The following GRM7 variants were observed in gnomAD, a reference collection of about 807,000 sequenced individuals.
GRM7 encodes the protein metabotropic glutamate receptor 7.
GRM7 carries 35 observed loss-of-function variants against 84.5 expected under a neutral mutation model. The observed-to-expected ratio is 0.41, with a 90% CI of 0.32 to 0.55. The LOEUF is 0.55. Ranked by LOEUF, GRM7 falls within the 20% of genes least tolerant of loss-of-function variation. GRM7 has a pLI of 0.19. For missense variants in GRM7, 1,003 were observed against 1,194.6 expected (o/e 0.84, Z 2.36); for synonymous variants, 487 against 455.1 (o/e 1.07, Z -0.89).
chr3:6,981,224 G>A (rs1254160850), intron 1 of GRM7, among the ~76,000 whole-genome samples: 2 of 152,160 alleles, frequency 1.3e-5, no homozygotes, highest in African/African-American at 4.8e-5. Flanking sequence ...TTATAATTTA[G>A]ATATGCTCTT....
chr3:7,592,265 A>G (rs1247827560), intron 8 of GRM7, among the ~76,000 whole-genome samples: 1 of 152,216 alleles, frequency 6.6e-6, no homozygotes, highest in Admixed American at 6.5e-5. Context: ...ATATAAAAAA[A>G]AAAGCAGATA....
intron 1 of GRM7, among the ~76,000 whole-genome samples, chr3:7,125,655 G>A (rs1693374214): frequency 6.6e-6 from 1 of 151,984 alleles, no homozygotes; most frequent in Non-Finnish European, 1.5e-5. Context: ...TACCCTGTTG[G>A]GCTACATTCC....
chr3:7,446,464 G>GTTTTTTTTTTTTTTT (rs370257829), intron 5 of GRM7, among the ~76,000 whole-genome samples: 1 of 130,576 alleles, frequency 7.7e-6, no homozygotes. Context: ...TTTTTTTTTT[G>GTTTTTTTTTTTTTTT]TTTTTTTTTT....
intron 7 of GRM7, among the ~76,000 whole-genome samples, chr3:7,497,373 T>G (rs1699743224): frequency 6.6e-6 from 1 of 152,172 alleles, no homozygotes; most frequent in Non-Finnish European, 1.5e-5. Flanking sequence ...ACTTCTCTCA[T>G]GGAGTATAAG....
At chr3:6,917,613 G>C (rs1010738836) in intron 1 of GRM7, among the ~76,000 whole-genome samples, 2 of 151,726 alleles carry the variant, frequency 1.3e-5, no homozygotes, top group Middle Eastern at 3.2e-3. Flanking sequence ...TAATTTTGTG[G>C]CTTGGGCTAA....
chr3:7,349,099 AG>A (rs1409832055), intron 4 of GRM7, among the ~76,000 whole-genome samples: 1 of 152,068 alleles, frequency 6.6e-6, no homozygotes, highest in African/African-American at 2.4e-5. Flanking sequence ...TTCCCTCCCT[AG>A]TTTTCATAAA....
chr3:6,913,686 C>G (rs1441792015), intron 1 of GRM7, among the ~76,000 whole-genome samples: 1 of 152,070 alleles, frequency 6.6e-6, no homozygotes. Context: ...CTAGTCCGGC[C>G]AGAGGTTGTT....
chr3:7,114,427 C>G (rs1041776462), intron 1 of GRM7, among the ~76,000 whole-genome samples: 1 of 152,168 alleles, frequency 6.6e-6, no homozygotes, highest in Admixed American at 6.6e-5. Flanking sequence ...TTTATACATT[C>G]ACATCTGGTG....
chr3:7,496,338 C>T, intron 7 of GRM7, among the ~76,000 whole-genome samples: 1 of 152,148 alleles, frequency 6.6e-6, no homozygotes, highest in East Asian at 1.9e-4. Flanking sequence ...CTGCATAGTG[C>T]TCTGATCAGG....
intron 2 of GRM7, among the ~76,000 whole-genome samples, chr3:7,165,952 T>G (rs1694785140): frequency 1.3e-5 from 2 of 152,210 alleles, no homozygotes; most frequent in Non-Finnish European, 2.9e-5. Flanking sequence ...TACTTCGAAA[T>G]ATGTTATTTC....
At chr3:7,604,540 A>G (rs1559433449) in intron 8 of GRM7, among the ~76,000 whole-genome samples, 1 of 152,164 alleles carries the variant, frequency 6.6e-6, no homozygotes, top group African/African-American at 2.4e-5. Flanking sequence ...TTCCATACCC[A>G]TAATGCTCAG....
chr3:7,385,513 G>T (rs544112035), intron 4 of GRM7, among the ~76,000 whole-genome samples: 2 of 151,994 alleles, frequency 1.3e-5, no homozygotes, highest in Admixed American at 6.5e-5. Flanking sequence ...TGTTATGCAG[G>T]ATGGTCTCGA....
At chr3:6,948,685 T>C (rs1056150954) in intron 1 of GRM7, among the ~76,000 whole-genome samples, 4 of 152,202 alleles carry the variant, frequency 2.6e-5, no homozygotes, top group African/African-American at 9.6e-5. Context: ...ATTGTGTGGG[T>C]GTCTAAGTCT....
At chr3:6,876,888 C>T (rs758070837) in intron 1 of GRM7, among the ~76,000 whole-genome samples, 21 of 152,108 alleles carry the variant, frequency 1.4e-4, no homozygotes, top group Non-Finnish European at 2.2e-4. Context: ...AGGCATGAGC[C>T]ACCAACCCCG....
Position 7,358,753 on chromosome 3 carries a change from ACTGCCCC to A in GRM7, c.1033+52102_1033+52108del, listed in dbSNP as rs1693521342. On this transcript the variant is annotated intron_variant, in intron 4 of 9. Transcript: ENST00000357716. ...GAATACATATTATTTTTTATAGGTG[ACTGCCCC>A]TTTTCATAATTTATTTTTTGTGACC... Among the ~76,000 whole-genome samples, 5 of 124,926 alleles carry A rather than the reference ACTGCCCC, an allele frequency of 4.0e-5. 1 individual carries two copies. Among genetic ancestry groups the A allele is most frequent in the African/African-American group, 6.9e-5 (2 of 28,844 alleles). 82.0% of individuals were successfully genotyped at this position (124,926 alleles called of 152,430 possible). A position where few individuals can be genotyped will look rare whatever the true frequency, so the allele number is the denominator to read the frequency against.
chr3:7,672,821 T>C (rs147558395), intron 8 of GRM7, among the ~76,000 whole-genome samples: 2,963 of 152,060 alleles, frequency 0.019, 91 homozygotes, highest in African/African-American at 0.065. Flanking sequence ...GGTCTCGATC[T>C]CCTGACCTCA....
chr3:7,445,266 A>G (rs868557067), intron 5 of GRM7, among the ~76,000 whole-genome samples: 2 of 152,200 alleles, frequency 1.3e-5, no homozygotes, highest in Non-Finnish European at 2.9e-5. Context: ...TTAAAGGAGG[A>G]CAAGACTGTC....
At chr3:7,432,682 G>A (rs9830340) in intron 5 of GRM7, among the ~76,000 whole-genome samples, 8,676 of 151,790 alleles carry the variant, frequency 0.057, 761 homozygotes, top group African/African-American at 0.19. Context: ...AACCATGCAT[G>A]AAATAGATGA....
At chr3:7,482,828 G>A (rs1015315597) in intron 7 of GRM7, among the ~76,000 whole-genome samples, 1 of 152,192 alleles carries the variant, frequency 6.6e-6, no homozygotes, top group Non-Finnish European at 1.5e-5. Context: ...CTAAGGATGT[G>A]CTTCTTCTGA....
Sources: gnomAD v4.1 joint callset for allele counts (sites outside exome capture counted in the v4.1 genomes callset) on GRCh38, gnomAD v4.1.1 for gene constraint, MANE v1.5 for transcripts, NCBI Gene and HGNC (gene_info 2026-07-23, HGNC 2026-07-21) for gene names.